NEK5: variants seen among roughly 807,000 people sequenced by gnomAD.
NEK5 encodes serine/threonine-protein kinase Nek5.
Under a neutral mutation model 109.2 loss-of-function variants are expected in NEK5, and 88 were observed. That is an observed-to-expected ratio of 0.81 (90% CI 0.68 to 0.96). The LOEUF (loss-of-function observed/expected upper bound fraction) is 0.96. Among genes scored for constraint, NEK5 ranks in the 40% least tolerant of loss-of-function variants. The pLI, the probability that NEK5 is intolerant of heterozygous loss-of-function variation, is 0.00. For missense variants in NEK5, 834 were observed against 920.7 expected, an observed-to-expected ratio of 0.91 and a Z score of 1.22; for synonymous variants, 283 against 299.9, an observed-to-expected ratio of 0.94 and a Z score of 0.58.
intron 12 of NEK5, among the ~76,000 whole-genome samples, chr13:52,097,759 G>A (rs188189856): frequency 4.6e-4 from 70 of 152,256 alleles, no homozygotes; most frequent in East Asian, 5.8e-4. Flanking sequence ...CTGTTGAGAA[G>A]GGATAATTGT....
At chr13:52,039,692 A>C (rs772708049) in intron 23 of NEK5, among the ~76,000 whole-genome samples, 2 of 152,168 alleles carry the variant, frequency 1.3e-5, no homozygotes, top group Non-Finnish European at 2.9e-5. Context: ...GTTTTTACTT[A>C]GACCTATCTT....
chr13:52,090,668 C>T, intron 13 of NEK5, among the ~76,000 whole-genome samples: 1 of 152,154 alleles, frequency 6.6e-6, no homozygotes, highest in East Asian at 1.9e-4. Context: ...CAGGGGCTGT[C>T]CAAAAGACAT....
chr13:52,045,854 C>G (rs924147326), intron 23 of NEK5, among the ~76,000 whole-genome samples: 6 of 149,924 alleles, frequency 4.0e-5, no homozygotes, highest in African/African-American at 1.5e-4. Flanking sequence ...GGGTGGATCA[C>G]GAGGTCAGGG....
chr13:52,089,196 A>G (rs942019203), intron 14 of NEK5, 51 bp downstream of exon 14: 8 of 1,171,090 alleles, frequency 6.8e-6, no homozygotes, highest in African/African-American at 1.5e-5. Flanking sequence ...TGTGAACAGA[A>G]AAACTATTAG....
In NEK5 at chr13:52,108,420, A is replaced by T; in HGVS notation, c.468-16T>A. 1 of 1,467,188 alleles carries T rather than the reference A, an allele frequency of 6.8e-7. No individual in the cohort carries two copies. Among genetic ancestry groups the T allele is most frequent in the Non-Finnish European group, 9.5e-7 (1 of 1,052,040 alleles). 90.9% of individuals were successfully genotyped at this position (1,467,188 alleles called of 1,614,324 possible). ...TTCCATGGAACTAGTAAATTATATTAAATAATAAATCAGCATGATTTTTTA... is the reference window on the plus strand; with the variant it reads ...TTCCATGGAACTAGTAAATTATATTTAATAATAAATCAGCATGATTTTTTA... On this transcript the variant is annotated splice_polypyrimidine_tract_variant and intron_variant, in intron 7 of 23. Transcript: ENST00000684899.
chr13:52,089,418 T>A (rs1955229073), intron 13 of NEK5, 105 bp from the exon 14 acceptor site: 1 of 671,056 alleles, frequency 1.5e-6, no homozygotes, highest in Non-Finnish European at 2.6e-6. Flanking sequence ...AATTCACCAG[T>A]GGCTTGAAGT....
chr13:52,096,911 C>T (rs1319603623), intron 12 of NEK5, among the ~76,000 whole-genome samples: 1 of 152,192 alleles, frequency 6.6e-6, no homozygotes, highest in African/African-American at 2.4e-5. Context: ...GGAAGAATGG[C>T]TTTGAGGACC....
chr13:52,083,666 A>G (rs950859376), intron 16 of NEK5, among the ~76,000 whole-genome samples: 2 of 151,968 alleles, frequency 1.3e-5, no homozygotes, highest in Admixed American at 1.3e-4. Context: ...CCTCCCAAGT[A>G]GCTGGGACTA....
chr13:52,128,125 G>A (rs1419480478), intron 1 of NEK5, among the ~76,000 whole-genome samples: 3 of 152,170 alleles, frequency 2.0e-5, no homozygotes, highest in South Asian at 2.1e-4. Context: ...GGAAAAATCC[G>A]TTTGTGGCTA....
At chr13:52,050,865 A>AC (rs1320254405) in intron 22 of NEK5, among the ~76,000 whole-genome samples, 2 of 151,314 alleles carry the variant, frequency 1.3e-5, no homozygotes, top group East Asian at 3.9e-4. Context: ...GATTACAGGC[A>AC]CATGCCACCA....
Position 52,075,826 on chromosome 13 carries a change from T to G in NEK5, c.1654A>C (p.Lys552Gln). 6.6e-7 allele frequency: 1 copy of G among 1,505,018 alleles called. No homozygotes were observed. The highest frequency in any genetic ancestry group is 9.0e-7 in the Non-Finnish European group (1 of 1,115,180). The allele number at this position is 1,505,018 out of a possible 1,614,324, so 93.2% of individuals were successfully genotyped here. ...KNPEQKYKAK[K>Q]GVKFEINLDK... ...AAATTAATTTCAAATTTTACCCCCT[T>G]CTAGGAGAAAGCAAAAAAAAAAAAA... is the stretch of plus-strand genomic sequence containing the variant. Residue 552 changes from lysine (K) to glutamine (Q), a missense_variant and splice_region_variant, in exon 19 of 24, where the codon AAG becomes CAG. Coordinates refer to ENST00000684899, the MANE Select transcript of NEK5 (RefSeq NM_001365552.1).
chr13:52,105,066 A>G (rs1955622858), intron 8 of NEK5, among the ~76,000 whole-genome samples: 1 of 152,250 alleles, frequency 6.6e-6, no homozygotes, highest in Non-Finnish European at 1.5e-5. Context: ...TTAGTACTTC[A>G]TAAATATTTA....
chr13:52,043,299 G>A (rs993786243), intron 23 of NEK5, among the ~76,000 whole-genome samples: 1 of 151,988 alleles, frequency 6.6e-6, no homozygotes, highest in Non-Finnish European at 1.5e-5. Flanking sequence ...AGCACTTTGG[G>A]AGGCTGAGGT....
At chr13:52,070,522 T>C (rs796452336) in intron 20 of NEK5, among the ~76,000 whole-genome samples, 5 of 152,262 alleles carry the variant, frequency 3.3e-5, no homozygotes, top group African/African-American at 9.6e-5. Context: ...CGAGATAAGA[T>C]GGTTTTAAAA....
In NEK5 at chr13:52,102,030, C is replaced by A; in HGVS notation, c.811-16G>T. The stretch of plus-strand genomic sequence containing the variant: ...CCTGAATGACCTAAAACCGAACACA[C>A]GTGTCAAGGACCTGCAACCCAAAAT... On this transcript the variant is annotated splice_polypyrimidine_tract_variant and intron_variant, in intron 10 of 23. Transcript: ENST00000684899. 4 of 1,613,068 alleles carry A rather than the reference C, an allele frequency of 2.5e-6. No homozygotes were observed. Among genetic ancestry groups the A allele is most frequent in the Non-Finnish European group, 3.4e-6 (4 of 1,179,080 alleles).
At chr13:52,064,060 GC>G (rs1235297898) in intron 21 of NEK5, among the ~76,000 whole-genome samples, 41 of 132,324 alleles carry the variant, frequency 3.1e-4, no homozygotes, top group Admixed American at 2.9e-3. Flanking sequence ...GGGGGGGTCA[GC>G]CCCCCGCCCG....
chr13:52,048,672 G>A (rs372629205), intron 23 of NEK5, among the ~76,000 whole-genome samples: 3 of 152,300 alleles, frequency 2.0e-5, no homozygotes, highest in East Asian at 3.9e-4. Flanking sequence ...TGGCATTTGT[G>A]ACAACATGAA....
At chr13:52,119,851 G>C (rs2138117345) in intron 3 of NEK5, among the ~76,000 whole-genome samples, 1 of 152,240 alleles carries the variant, frequency 6.6e-6, no homozygotes, top group Non-Finnish European at 1.5e-5. Flanking sequence ...GTAAAATTTT[G>C]TATTAAGATG....
chr13:52,063,743 G>T (rs1003452919), intron 21 of NEK5, among the ~76,000 whole-genome samples: 1 of 151,678 alleles, frequency 6.6e-6, no homozygotes, highest in African/African-American at 2.4e-5. Flanking sequence ...TGGGAGGTGA[G>T]GAGCGTCTCT....
Sources: allele counts gnomAD v4.1 joint callset (sites outside exome capture counted in the v4.1 genomes callset), GRCh38; gene constraint gnomAD v4.1.1; transcripts MANE v1.5; gene names NCBI Gene and HGNC (gene_info 2026-07-23, HGNC 2026-07-21).